Variants in EXOC4 observed in about 807,000 individuals in gnomAD.
The protein encoded by EXOC4 is exocyst complex component 4.
In EXOC4, 71 loss-of-function variants were observed where a neutral mutation model predicts 107.2. The ratio of observed to expected loss-of-function variants is 0.66; its 90% confidence interval spans 0.55 to 0.81. The LOEUF (loss-of-function observed/expected upper bound fraction) is 0.81, where lower values mean the gene tolerates loss of function less well. Ranked by LOEUF, EXOC4 falls within the 30% of genes least tolerant of loss-of-function variation. The pLI, the probability that EXOC4 is intolerant of heterozygous loss-of-function variation, is 0.00. For missense variants in EXOC4, 1,108 were observed against 1,189.6 expected (o/e 0.93, Z 1.01); for synonymous variants, 456 against 441.2 (o/e 1.03, Z -0.42).
At chr7:133,291,503 T>A (rs1332995620) in intron 3 of EXOC4, among the ~76,000 whole-genome samples, 1 of 150,984 alleles carries the variant, frequency 6.6e-6, no homozygotes. Context: ...TGCCTCAGCC[T>A]CCCAAGTACC....
intron 14 of EXOC4, among the ~76,000 whole-genome samples, chr7:133,982,897 A>G (rs781715492): frequency 5.3e-5 from 8 of 152,226 alleles, no homozygotes; most frequent in Non-Finnish European, 1.0e-4. Context: ...TTAGGGATAC[A>G]AAGATAAAAG....
At chr7:133,706,162 A>C (rs983590225) in intron 10 of EXOC4, among the ~76,000 whole-genome samples, 1 of 152,166 alleles carries the variant, frequency 6.6e-6, no homozygotes, top group Non-Finnish European at 1.5e-5. Context: ...GATGACCACC[A>C]TGTGTATGTG....
At position 133,917,707 on chromosome 7, in the gene EXOC4, C is replaced by G; in HGVS notation, c.1996C>G (p.Pro666Ala). ...TATGGCTCAACCCAAACAGCTGAGG[C>G]CAAAAAGAGAGGAGGAAGAAGATTT... ...MNMAQPKQLR[P>A]KREEEEDFIR... Residue 666 changes from proline to alanine, a missense_variant, in exon 13 of 18, where the codon CCA becomes GCA. Transcript: ENST00000253861. 1 of 1,613,218 alleles carries G rather than the reference C, an allele frequency of 6.2e-7. No individual in the cohort carries two copies. The highest frequency in any genetic ancestry group is 8.5e-7 in the Non-Finnish European group (1 of 1,179,708).
At chr7:133,451,939 T>TA (rs529439846) in intron 7 of EXOC4, among the ~76,000 whole-genome samples, 18 of 152,218 alleles carry the variant, frequency 1.2e-4, no homozygotes, top group Non-Finnish European at 1.0e-4. Context: ...ATTACCTTTT[T>TA]AAAAAAAATA....
At chr7:133,777,796 G>T (rs1299993268) in intron 10 of EXOC4, among the ~76,000 whole-genome samples, 2 of 152,186 alleles carry the variant, frequency 1.3e-5, no homozygotes, top group Non-Finnish European at 2.9e-5. Flanking sequence ...TTATAAGGTT[G>T]TTGTAAGGAT....
intron 5 of EXOC4, among the ~76,000 whole-genome samples, chr7:133,325,969 C>T (rs1372388708): frequency 6.6e-6 from 1 of 152,178 alleles, no homozygotes; most frequent in African/African-American, 2.4e-5. Flanking sequence ...ATTTGATCTT[C>T]ATTCACTGAT....
chr7:133,644,803 C>T (rs143687816), intron 10 of EXOC4, among the ~76,000 whole-genome samples: 1 of 152,276 alleles, frequency 6.6e-6, no homozygotes, highest in Non-Finnish European at 1.5e-5. Flanking sequence ...TGGTGGCCCC[C>T]CTCACGCCTA....
the EXOC4 span, among the ~76,000 whole-genome samples, chr7:134,084,709 T>TAAAAAAA: frequency 1.3e-4 from 11 of 83,174 alleles, no homozygotes; most frequent in African/African-American, 4.0e-4. Flanking sequence ...GGTGCAGCCG[T>TAAAAAAA]AAAAAAAAAA....
At chr7:133,516,026 T>C (rs1163891216) in intron 9 of EXOC4, among the ~76,000 whole-genome samples, 1 of 152,178 alleles carries the variant, frequency 6.6e-6, no homozygotes, top group African/African-American at 2.4e-5. Context: ...ATTGAACCAT[T>C]GCTCAATGGC....
At chr7:133,440,371 C>T (rs766575336) in intron 7 of EXOC4, among the ~76,000 whole-genome samples, 102 of 152,056 alleles carry the variant, frequency 6.7e-4, no homozygotes, top group Non-Finnish European at 2.2e-4. Flanking sequence ...CCCCCATTAC[C>T]TATTCAATTC....
At chr7:133,658,935 A>C (rs184822434) in intron 10 of EXOC4, among the ~76,000 whole-genome samples, 1 of 148,862 alleles carries the variant, frequency 6.7e-6, no homozygotes, top group African/African-American at 2.5e-5. Flanking sequence ...GTTTAGTTTC[A>C]GGTAAAACAA....
At chr7:133,638,643 G>A (rs887567223) in intron 10 of EXOC4, among the ~76,000 whole-genome samples, 1 of 151,982 alleles carries the variant, frequency 6.6e-6, no homozygotes, top group East Asian at 1.9e-4. Context: ...TTTTGTTTTT[G>A]TATTTTTCTT....
intron 3 of EXOC4, 138 bp from the exon 4 acceptor site, chr7:133,305,739 T>C: frequency 1.6e-6 from 1 of 641,176 alleles, no homozygotes; most frequent in Non-Finnish European, 2.5e-6. Context: ...CACATTATAC[T>C]CTACGAAGTC....
intron 10 of EXOC4, among the ~76,000 whole-genome samples, chr7:133,694,144 C>A (rs983415783): frequency 6.6e-6 from 1 of 151,786 alleles, no homozygotes; most frequent in Admixed American, 6.6e-5. Context: ...GCCCGTAGTC[C>A]CAGCTACTTG....
intron 11 of EXOC4, among the ~76,000 whole-genome samples, chr7:133,867,066 T>C (rs1798656118): frequency 6.6e-6 from 1 of 152,204 alleles, no homozygotes; most frequent in African/African-American, 2.4e-5. Flanking sequence ...CACTGGAGCC[T>C]GTATGGAAAC....
At chr7:133,683,726 CATGTG>C (rs1350134003) in intron 10 of EXOC4, among the ~76,000 whole-genome samples, 1 of 151,996 alleles carries the variant, frequency 6.6e-6, no homozygotes, top group Non-Finnish European at 1.5e-5. Flanking sequence ...TCGGGGCACT[CATGTG>C]AGATTGTAGG....
At chr7:133,898,943 A>C (rs371165779) in intron 12 of EXOC4, among the ~76,000 whole-genome samples, 5 of 150,876 alleles carry the variant, frequency 3.3e-5, no homozygotes, top group African/African-American at 4.8e-5. Context: ...GCACCCCTGC[A>C]CTCCAGACTG....
intron 14 of EXOC4, among the ~76,000 whole-genome samples, chr7:133,959,812 C>T (rs1365421413): frequency 2.0e-5 from 3 of 152,056 alleles, no homozygotes; most frequent in African/African-American, 7.2e-5. Flanking sequence ...AGAAAAAAAA[C>T]TATCAGATTC....
chr7:133,253,307 G>A, intron 1 of EXOC4, 120 bp downstream of exon 1: 1 of 1,439,540 alleles, frequency 6.9e-7, no homozygotes, highest in East Asian at 2.6e-5. Context: ...GCCTCCCGCA[G>A]CCCCTCCCCA....
Sources: allele counts gnomAD v4.1 joint callset (sites outside exome capture counted in the v4.1 genomes callset), GRCh38; gene constraint gnomAD v4.1.1; transcripts MANE v1.5; gene names NCBI Gene and HGNC (gene_info 2026-07-23, HGNC 2026-07-21).